CADPS2: variants seen among roughly 807,000 people sequenced by gnomAD.
The protein encoded by CADPS2 is calcium dependent secretion activator 2, also known as calcium-dependent secretion activator 2.
CADPS2 carries 93 observed loss-of-function variants against 172.5 expected under a neutral mutation model. The ratio of observed to expected loss-of-function variants is 0.54; its 90% CI spans 0.46 to 0.64. The LOEUF is 0.64. Among genes scored for constraint, CADPS2 ranks in the 30% least tolerant of loss-of-function variants. CADPS2 has a pLI of 0.00. For synonymous variants in CADPS2, 546 were observed against 555.2 expected (o/e 0.98, Z 0.23); for missense variants, 1,420 against 1,565.9 (o/e 0.91, Z 1.57).
chr7:122,699,002 A>G, intron 2 of CADPS2: 1 of 986,596 alleles, frequency 1.0e-6, no homozygotes, highest in South Asian at 1.8e-5. Context: ...AAGAGAAAAA[A>G]ATCTTCAGGA....
intron 2 of CADPS2, among the ~76,000 whole-genome samples, chr7:122,667,071 G>A (rs2081265419): frequency 6.6e-6 from 1 of 152,058 alleles, no homozygotes; most frequent in East Asian, 1.9e-4. Flanking sequence ...ATTTGTTATT[G>A]TTTATATTAA....
intron 2 of CADPS2, among the ~76,000 whole-genome samples, chr7:122,664,053 T>C (rs1448424459): frequency 1.4e-5 from 2 of 139,484 alleles, no homozygotes; most frequent in Non-Finnish European, 3.1e-5. Flanking sequence ...TAAATGACCA[T>C]TGTTTATAAG....
At chr7:122,367,036 C>A (rs902640122) in intron 25 of CADPS2, among the ~76,000 whole-genome samples, 29 of 152,264 alleles carry the variant, frequency 1.9e-4, no homozygotes, top group Non-Finnish European at 4.3e-4. Context: ...ACTTTGCATT[C>A]TCTCTCTGCT....
chr7:122,433,747 T>C (rs2050276661), intron 17 of CADPS2, among the ~76,000 whole-genome samples: 1 of 152,202 alleles, frequency 6.6e-6, no homozygotes, highest in South Asian at 2.1e-4. Flanking sequence ...AATAAAAGTA[T>C]ATTTCCTAGA....
At chr7:122,488,884 A>G (rs553638161) in intron 11 of CADPS2, among the ~76,000 whole-genome samples, 2 of 152,314 alleles carry the variant, frequency 1.3e-5, no homozygotes, top group East Asian at 3.9e-4. Flanking sequence ...CTTAGCTCTG[A>G]TGAAACACTC....
intron 7 of CADPS2, among the ~76,000 whole-genome samples, chr7:122,568,572 T>C (rs915290677): frequency 6.6e-6 from 1 of 152,108 alleles, no homozygotes; most frequent in Non-Finnish European, 1.5e-5. Context: ...AGATAATTGA[T>C]TTTTCACAAA....
intron 9 of CADPS2, among the ~76,000 whole-genome samples, chr7:122,499,304 G>T (rs2059006661): frequency 6.6e-6 from 1 of 152,136 alleles, no homozygotes; most frequent in South Asian, 2.1e-4. Context: ...TTCTTTCTCT[G>T]CATGAGCAAT....
chr7:122,503,286 G>A (rs988105136), intron 9 of CADPS2, among the ~76,000 whole-genome samples: 7 of 151,992 alleles, frequency 4.6e-5, no homozygotes, highest in East Asian at 3.9e-4. Flanking sequence ...TGCTCGCCTC[G>A]GCCTCCCAAA....
At chr7:122,471,324 T>G in intron 14 of CADPS2, 51 bp downstream of exon 14, 2 of 1,483,468 alleles carry the variant, frequency 1.3e-6, no homozygotes, top group Non-Finnish European at 1.8e-6. Flanking sequence ...TTTTCTCTCT[T>G]TTCCATAGTC....
At chr7:122,492,523 TA>T (rs907216507) in intron 9 of CADPS2, among the ~76,000 whole-genome samples, 2 of 152,050 alleles carry the variant, frequency 1.3e-5, no homozygotes, top group Admixed American at 6.6e-5. Flanking sequence ...AGAGCTCATG[TA>T]TGCAGCAAAG....
At chr7:122,850,125 G>T in intron 1 of CADPS2, 1 of 1,296,044 alleles carries the variant, frequency 7.7e-7, no homozygotes, top group Middle Eastern at 2.1e-4. Flanking sequence ...CAACAACTCC[G>T]AGTTTTAGCA....
At chr7:122,795,926 G>A (rs1487482502) in intron 1 of CADPS2, among the ~76,000 whole-genome samples, 1 of 152,124 alleles carries the variant, frequency 6.6e-6, no homozygotes, top group African/African-American at 2.4e-5. Flanking sequence ...AACTATCCTT[G>A]TTTGCAGACA....
chr7:122,833,532 GT>G (rs370563302), intron 1 of CADPS2, among the ~76,000 whole-genome samples: 7 of 149,714 alleles, frequency 4.7e-5, no homozygotes, highest in East Asian at 2.0e-4. Context: ...ACCCAGCTTT[GT>G]TTTTTTTTGT....
Position 122,645,681 on chromosome 7 carries a change from A to ATCTCTCTC in CADPS2, c.787-16354_787-16353insGAGAGAGA, listed in dbSNP as rs1554688696. Among the ~76,000 whole-genome samples, 8 of 116,834 alleles carry ATCTCTCTC rather than the reference A, an allele frequency of 6.8e-5. No individual in the cohort carries two copies. In the East Asian group the frequency reaches 1.4e-3, roughly 21 times the overall value. 76.6% of individuals were successfully genotyped at this position (116,834 alleles called of 152,430 possible). A position where few individuals can be genotyped will look rare whatever the true frequency, so the allele number is the denominator to read the frequency against. ...AAGATATATATATATATATATATAT[A>ATCTCTCTC]TCTTGGGATTTTGCTCTTAGTTAGA... On this transcript the variant is annotated intron_variant, in intron 3 of 29. Transcript: ENST00000449022.
intron 28 of CADPS2, 119 bp downstream of exon 28, chr7:122,345,455 A>G (rs1296272076): frequency 6.4e-6 from 4 of 628,328 alleles, no homozygotes; most frequent in Non-Finnish European, 1.1e-5. Context: ...ACTTTTTAGT[A>G]TAGAAGATAC....
At position 122,782,468 on chromosome 7, in the gene CADPS2, C is replaced by T. The variant is rs143952546; in HGVS notation, c.340-45400G>A. On this transcript the variant is annotated intron_variant, in intron 1 of 29. Transcript: ENST00000449022. Reference sequence around the variant, plus strand: ...ACAACAACAACAACAAAAATTAGCACGGTGTAGTGATGCATGTCTGCGGTC... The same window carrying T: ...ACAACAACAACAACAAAAATTAGCATGGTGTAGTGATGCATGTCTGCGGTC... Among the ~76,000 whole-genome samples, 171 of 152,178 alleles carry T rather than the reference C, an allele frequency of 1.1e-3. 1 individual carries two copies. The highest frequency in any genetic ancestry group is 1.9e-3 in the Non-Finnish European group (127 of 68,008).
At chr7:122,629,128 AG>A (rs2076339844) in intron 4 of CADPS2, 119 bp downstream of exon 4, 1 of 659,412 alleles carries the variant, frequency 1.5e-6, no homozygotes, top group Non-Finnish European at 2.5e-6. Context: ...TGTGTAGAGG[AG>A]AAAATGTTAA....
At chr7:122,790,648 TG>T (rs1010450177) in intron 1 of CADPS2, among the ~76,000 whole-genome samples, 5 of 152,140 alleles carry the variant, frequency 3.3e-5, no homozygotes, top group Non-Finnish European at 7.3e-5. Context: ...CCATATGAAA[TG>T]TTTTTTTCTT....
At chr7:122,843,523 T>C (rs1459247634) in intron 1 of CADPS2, among the ~76,000 whole-genome samples, 1 of 152,162 alleles carries the variant, frequency 6.6e-6, no homozygotes, top group Non-Finnish European at 1.5e-5. Context: ...TAGTACTTAA[T>C]GATAATGGAC....
Sources: allele counts gnomAD v4.1 joint callset (sites outside exome capture counted in the v4.1 genomes callset), GRCh38; gene constraint gnomAD v4.1.1; transcripts MANE v1.5; gene names NCBI Gene and HGNC (gene_info 2026-07-23, HGNC 2026-07-21).